The following FAM193A variants were observed in gnomAD, a reference collection of about 807,000 sequenced individuals.
FAM193A encodes the protein family with sequence similarity 193 member A.
In FAM193A, 22 loss-of-function variants were observed where a neutral mutation model predicts 126.5. The observed-to-expected ratio is 0.17, with a 90% CI of 0.12 to 0.25. The LOEUF is 0.25. Ranked by LOEUF, FAM193A falls within the 10% of genes least tolerant of loss-of-function variation. The pLI is 1.00. For synonymous variants in FAM193A, 761 were observed against 646.8 expected, an observed-to-expected ratio of 1.18 and a Z score of -2.68; for missense variants, 1,675 against 1,672.8, an observed-to-expected ratio of 1.00 and a Z score of -0.02.
chr4:2,655,254 A>G (rs556930072), intron 7 of FAM193A: 2 of 466,134 alleles, frequency 4.3e-6, no homozygotes, highest in Non-Finnish European at 7.7e-6. Flanking sequence ...AAACAGGAAG[A>G]TGTCAAAATT....
upstream of FAM193A, among the ~76,000 whole-genome samples, chr4:2,535,413 C>T (rs927736878): frequency 1.3e-5 from 2 of 152,222 alleles, no homozygotes; most frequent in African/African-American, 2.4e-5. Flanking sequence ...GCTCGGTTAA[C>T]GCTGCAAGGG....
chr4:2,566,609 A>C (rs1197746562), intron 1 of FAM193A, among the ~76,000 whole-genome samples: 2 of 151,970 alleles, frequency 1.3e-5, no homozygotes, highest in Non-Finnish European at 2.9e-5. Context: ...GAATCACTTG[A>C]ACCTGGGAGG....
intron 7 of FAM193A, among the ~76,000 whole-genome samples, chr4:2,650,837 C>T (rs567219496): frequency 7.8e-4 from 119 of 152,300 alleles, no homozygotes; most frequent in Middle Eastern, 3.4e-3. Context: ...TGGATAGCCG[C>T]CCACGGTACA....
At chr4:2,726,899 C>T (rs1720812409) in intron 20 of FAM193A, among the ~76,000 whole-genome samples, 2 of 138,760 alleles carry the variant, frequency 1.4e-5, no homozygotes, top group Admixed American at 8.0e-5. Flanking sequence ...GTAGTGAGCC[C>T]AGATCGTGCC....
At chr4:2,661,115 G>A (rs557751851) in intron 10 of FAM193A, among the ~76,000 whole-genome samples, 30 of 152,284 alleles carry the variant, frequency 2.0e-4, no homozygotes, top group African/African-American at 7.0e-4. Flanking sequence ...CTTGTGTCAC[G>A]TGTGGTAGTG....
chr4:2,566,692 A>G (rs1311299708), intron 1 of FAM193A, among the ~76,000 whole-genome samples: 1 of 152,086 alleles, frequency 6.6e-6, no homozygotes, highest in Non-Finnish European at 1.5e-5. Context: ...TGTCTCAAAA[A>G]AAGAAAATGG....
At chr4:2,731,325 C>T (rs934962650) in intron 20 of FAM193A, among the ~76,000 whole-genome samples, 1 of 151,448 alleles carries the variant, frequency 6.6e-6, no homozygotes. Flanking sequence ...CCGAAACTGC[C>T]ACTGAACTCC....
chr4:2,595,046 TTTTC>T (rs1241856942), intron 1 of FAM193A, among the ~76,000 whole-genome samples: 3 of 151,444 alleles, frequency 2.0e-5, no homozygotes, highest in East Asian at 1.9e-4. Flanking sequence ...CAGGCTGGAT[TTTTC>T]TTTCTTTTTT....
intron 20 of FAM193A, among the ~76,000 whole-genome samples, chr4:2,717,398 C>T (rs551242083): frequency 7.6e-4 from 115 of 152,098 alleles, no homozygotes; most frequent in African/African-American, 2.6e-3. Context: ...GAGTTCGAGA[C>T]GAGCCTGGCC....
intron 19 of FAM193A, among the ~76,000 whole-genome samples, chr4:2,705,011 A>G (rs1718152086): frequency 6.6e-6 from 1 of 152,198 alleles, no homozygotes; most frequent in African/African-American, 2.4e-5. Context: ...TCCGGGGGTC[A>G]CGCCATTCTC....
chr4:2,732,270 G>T lies in FAM193A; in HGVS notation c.*402G>T. On this transcript the variant is annotated 3_prime_UTR_variant, in exon 21 of 21. Coordinates refer to ENST00000637812, the MANE Select transcript of FAM193A (RefSeq NM_001366318.2). ...TCACTCAGCTCTCCTGTGCCCCTGC[G>T]TCTCACCCTAGGCGGGCTGGGCGGG... 1 of 222,066 alleles carries T rather than the reference G, an allele frequency of 4.5e-6. No individual in the cohort carries two copies. The highest frequency in any genetic ancestry group is 9.2e-6 in the Non-Finnish European group (1 of 109,166). 13.8% of individuals were successfully genotyped at this position (222,066 alleles called of 1,614,324 possible).
intron 2 of FAM193A, among the ~76,000 whole-genome samples, chr4:2,606,231 G>T (rs1017654317): frequency 1.3e-5 from 2 of 151,094 alleles, no homozygotes; most frequent in Non-Finnish European, 3.0e-5. Context: ...TTGTATTTTT[G>T]GTAGAGATGG....
At position 2,552,325 on chromosome 4, in the gene FAM193A, A is replaced by AT. The variant is rs1442318577; in HGVS notation, c.255+15161dup. ...CGCGCCCGGCTGATTTTTTTTTGGTATTTTTTGTAGAGACGGGGTTTTGCC... is the reference window on the plus strand; with the variant it reads ...CGCGCCCGGCTGATTTTTTTTTGGTATTTTTTTGTAGAGACGGGGTTTTGCC... On this transcript the variant is annotated intron_variant, in intron 1 of 20. Transcript: ENST00000637812. 2.8e-5 allele frequency among the ~76,000 whole-genome samples: 4 copies of AT among 143,692 alleles called. 1 individual carries two copies. Among genetic ancestry groups the AT allele is most frequent in the East Asian group, 2.1e-4 (1 of 4,724 alleles). The allele number at this position is 143,692 out of a possible 152,430, so 94.3% of individuals were successfully genotyped here. A position where few individuals can be genotyped will look rare whatever the true frequency, so the allele number is the denominator to read the frequency against.
At chr4:2,617,137 G>A (rs1448748170) in intron 2 of FAM193A, among the ~76,000 whole-genome samples, 1 of 117,734 alleles carries the variant, frequency 8.5e-6, no homozygotes, top group Non-Finnish European at 1.7e-5. Flanking sequence ...CACTGCACTC[G>A]AGCCTGGGCG....
chr4:2,698,299 A>T (rs1280358001), intron 18 of FAM193A, among the ~76,000 whole-genome samples: 1 of 152,168 alleles, frequency 6.6e-6, no homozygotes, highest in Non-Finnish European at 1.5e-5. Context: ...CTGGATTTAG[A>T]TCAGCTCTGA....
At chr4:2,582,036 A>G (rs1177450629) in intron 1 of FAM193A, among the ~76,000 whole-genome samples, 1 of 152,088 alleles carries the variant, frequency 6.6e-6, no homozygotes, top group Non-Finnish European at 1.5e-5. Context: ...GATTTTAGAG[A>G]AATTACTCTC....
chr4:2,681,972 G>GTTT (rs1179426155), intron 13 of FAM193A, among the ~76,000 whole-genome samples: 6 of 129,202 alleles, frequency 4.6e-5, no homozygotes, highest in African/African-American at 1.7e-4. Flanking sequence ...ACTTCTCAGG[G>GTTT]TTTTTTTTTT....
chr4:2,620,058 G>GT, intron 2 of FAM193A, among the ~76,000 whole-genome samples: 1 of 152,090 alleles, frequency 6.6e-6, no homozygotes, highest in Non-Finnish European at 1.5e-5. Context: ...TTTTGGTTTC[G>GT]TTACTGGATG....
chr4:2,616,858 G>T (rs2108955754), intron 2 of FAM193A, among the ~76,000 whole-genome samples: 1 of 147,280 alleles, frequency 6.8e-6, no homozygotes, highest in Admixed American at 6.7e-5. Context: ...GAGCCACCAC[G>T]CCTGCCCAGT....
Sources: gnomAD v4.1 joint callset for allele counts (sites outside exome capture counted in the v4.1 genomes callset) on GRCh38, gnomAD v4.1.1 for gene constraint, MANE v1.5 for transcripts, NCBI Gene and HGNC (gene_info 2026-07-23, HGNC 2026-07-21) for gene names.